The following EXOC2 variants were observed in gnomAD, a reference collection of about 807,000 sequenced individuals.
EXOC2 encodes exocyst complex component 2.
EXOC2 carries 70 observed loss-of-function variants against 131.8 expected under a neutral mutation model. The ratio of observed to expected loss-of-function variants is 0.53; its 90% confidence interval spans 0.44 to 0.65. The LOEUF (loss-of-function observed/expected upper bound fraction) is 0.65, where lower values mean the gene tolerates loss of function less well. Among genes scored for constraint, EXOC2 ranks in the 30% least tolerant of loss-of-function variants. The pLI is 0.00. For synonymous variants in EXOC2, 411 were observed against 398.4 expected (o/e 1.03, Z -0.38); for missense variants, 923 against 1,108.6 (o/e 0.83, Z 2.38).
chr6:643,388 G>A (rs986016797), intron 1 of EXOC2, among the ~76,000 whole-genome samples: 5 of 152,072 alleles, frequency 3.3e-5, no homozygotes, highest in South Asian at 2.1e-4. Context: ...AGGAATCTTC[G>A]TTAGCAATAG....
At chr6:650,052 T>C (rs1561970715) in intron 1 of EXOC2, among the ~76,000 whole-genome samples, 1 of 152,224 alleles carries the variant, frequency 6.6e-6, no homozygotes, top group Non-Finnish European at 1.5e-5. Flanking sequence ...AAGGACATCT[T>C]CAAACAAGGA....
chr6:677,866 C>T (rs539164723), intron 1 of EXOC2, among the ~76,000 whole-genome samples: 87 of 152,156 alleles, frequency 5.7e-4, no homozygotes, highest in African/African-American at 2.0e-3. Flanking sequence ...CAATACTCCA[C>T]AACCAATAAC....
chr6:666,349 G>A (rs1174724565), intron 1 of EXOC2, among the ~76,000 whole-genome samples: 1 of 152,154 alleles, frequency 6.6e-6, no homozygotes, highest in Non-Finnish European at 1.5e-5. Context: ...TCTTCACCAC[G>A]GCAGTCATAC....
At chr6:608,775 T>C (rs1019729772) in intron 7 of EXOC2, among the ~76,000 whole-genome samples, 5 of 152,240 alleles carry the variant, frequency 3.3e-5, no homozygotes, top group African/African-American at 1.2e-4. Flanking sequence ...TGTCAACTGT[T>C]CCTATAAGCC....
chr6:645,877 G>T (rs1762558026), intron 1 of EXOC2, among the ~76,000 whole-genome samples: 1 of 152,216 alleles, frequency 6.6e-6, no homozygotes, highest in Non-Finnish European at 1.5e-5. Context: ...AAGCCTGAAA[G>T]ATTCTGCTGT....
In EXOC2 at chr6:588,408, A is replaced by G. The variant is rs572732275; in HGVS notation, c.1192+4061T>C. Among the ~76,000 whole-genome samples the G allele has an allele frequency of 1.2e-3, 180 of 152,320 alleles. 1 individual carries two copies. Among genetic ancestry groups the G allele is most frequent in the African/African-American group, 4.2e-3 (173 of 41,562 alleles). On this transcript the variant is annotated intron_variant, in intron 11 of 27. Coordinates refer to ENST00000230449, the MANE Select transcript of EXOC2 (RefSeq NM_018303.6). ...CACTCTGTTGCCCAGGCTGGAGTGCAGTGGTACGATCTCGGCTTACCATAA... is the reference window on the plus strand; with the variant it reads ...CACTCTGTTGCCCAGGCTGGAGTGCGGTGGTACGATCTCGGCTTACCATAA...
chr6:553,999 A>G, intron 20 of EXOC2, 79 bp from the exon 21 acceptor site: 1 of 1,103,484 alleles, frequency 9.1e-7, no homozygotes, highest in South Asian at 1.3e-5. Flanking sequence ...CGCAAATTTA[A>G]ACGTGCAATG....
intron 22 of EXOC2, among the ~76,000 whole-genome samples, chr6:545,424 T>G (rs1756795080): frequency 6.6e-6 from 1 of 152,172 alleles, no homozygotes; most frequent in Non-Finnish European, 1.5e-5. Flanking sequence ...ATGAAAGAAT[T>G]TGGTTGGTGG....
At chr6:569,163 T>C (rs1433951207) in intron 13 of EXOC2, among the ~76,000 whole-genome samples, 1 of 152,260 alleles carries the variant, frequency 6.6e-6, no homozygotes, top group Non-Finnish European at 1.5e-5. Flanking sequence ...TGACTCTTAA[T>C]ATTCATCAAT....
At chr6:608,542 G>A (rs760815428) in intron 7 of EXOC2, among the ~76,000 whole-genome samples, 15 of 151,934 alleles carry the variant, frequency 9.9e-5, no homozygotes, top group Non-Finnish European at 2.1e-4. Context: ...AAGTTAATAC[G>A]ACACTTTTCT....
chr6:684,022 A>G (rs1764530995), intron 1 of EXOC2, among the ~76,000 whole-genome samples: 1 of 152,200 alleles, frequency 6.6e-6, no homozygotes, highest in African/African-American at 2.4e-5. Context: ...AAATTAAAGT[A>G]AACAGTGTTG....
chr6:653,405 C>T (rs560908508), intron 1 of EXOC2, among the ~76,000 whole-genome samples: 3 of 152,212 alleles, frequency 2.0e-5, no homozygotes, highest in Non-Finnish European at 4.4e-5. Flanking sequence ...CTCTAGTGAA[C>T]ACACGAATGA....
In EXOC2 at chr6:652,053, C is replaced by CT. The variant is rs1241249228; in HGVS notation, c.-43-14193dup. Among the ~76,000 whole-genome samples, 411 of 142,524 alleles carry CT rather than the reference C, an allele frequency of 2.9e-3. 1 individual carries two copies. The highest frequency in any genetic ancestry group is 0.01 in the African/African-American group (400 of 38,380). The allele number at this position is 142,524 out of a possible 152,430, so 93.5% of individuals were successfully genotyped here. Reference sequence around the variant, plus strand: ...CCTGGGCGACAGAGTGAGATTCCATCTCAAAAAAAAAAAAAAAACTTCACA... The same window carrying CT: ...CCTGGGCGACAGAGTGAGATTCCATCTTCAAAAAAAAAAAAAAAACTTCACA... On this transcript the variant is annotated intron_variant, in intron 1 of 27. Transcript: ENST00000230449.
At chr6:647,634 T>C (rs1301581184) in intron 1 of EXOC2, among the ~76,000 whole-genome samples, 3 of 126,634 alleles carry the variant, frequency 2.4e-5, no homozygotes. Flanking sequence ...ATAACCTTCA[T>C]TGTGTCTCCA....
intron 6 of EXOC2, among the ~76,000 whole-genome samples, chr6:610,971 G>A (rs1474094480): frequency 6.6e-6 from 1 of 152,220 alleles, no homozygotes; most frequent in Non-Finnish European, 1.5e-5. Context: ...GGAGTGAGGA[G>A]AAAGTAATTT....
At chr6:507,492 A>G (rs1764633045) in intron 23 of EXOC2, among the ~76,000 whole-genome samples, 1 of 152,202 alleles carries the variant, frequency 6.6e-6, no homozygotes, top group African/African-American at 2.4e-5. Context: ...GTCTTTAAAC[A>G]GTGCAAGAAA....
chr6:577,207 A>C (rs2127601043), intron 11 of EXOC2, among the ~76,000 whole-genome samples: 1 of 152,312 alleles, frequency 6.6e-6, no homozygotes, highest in South Asian at 2.1e-4. Context: ...TAGCTGACTT[A>C]CACATTTTTG....
rs946118866 is a variant in EXOC2 at position 495,366 on chromosome 6, C to T, written c.2559+2001G>A. On this transcript the variant is annotated intron_variant, in intron 25 of 27. Transcript: ENST00000230449. ...GTCTCGATCTCCTGACCTCGTGATC[C>T]GCCCGCCTCGGCCTCCCAAAGTGCT... Among the ~76,000 whole-genome samples, 13 of 152,182 alleles carry T rather than the reference C, an allele frequency of 8.5e-5. No individual in the cohort carries two copies. The South Asian group carries it at 1.0e-3, about 12-fold the overall frequency.
intron 23 of EXOC2, among the ~76,000 whole-genome samples, chr6:512,889 G>A (rs2127507327): frequency 6.6e-6 from 1 of 152,302 alleles, no homozygotes; most frequent in Non-Finnish European, 1.5e-5. Flanking sequence ...GTATGTGAAA[G>A]CAGTAAGTAA....
Sources: allele counts gnomAD v4.1 joint callset (sites outside exome capture counted in the v4.1 genomes callset), GRCh38; gene constraint gnomAD v4.1.1; transcripts MANE v1.5; gene names NCBI Gene and HGNC (gene_info 2026-07-23, HGNC 2026-07-21).